Variants in TSHZ1 observed in about 807,000 individuals in gnomAD.
TSHZ1 encodes teashirt zinc finger homeobox 1, also known as teashirt homolog 1.
TSHZ1 carries 12 observed loss-of-function variants against 67.1 expected under a neutral mutation model. The ratio of observed to expected loss-of-function variants is 0.18; its 90% CI spans 0.11 to 0.29. TSHZ1 has a LOEUF of 0.29. Ranked by LOEUF, TSHZ1 falls within the 10% of genes least tolerant of loss-of-function variation. TSHZ1 has a pLI of 1.00. For missense variants in TSHZ1, 1,305 were observed against 1,413.9 expected, an observed-to-expected ratio of 0.92 and a Z score of 1.23; for synonymous variants, 632 against 622.4, an observed-to-expected ratio of 1.02 and a Z score of -0.23.
intron 1 of TSHZ1, among the ~76,000 whole-genome samples, chr18:75,213,913 C>T (rs1015478292): frequency 6.6e-6 from 1 of 152,086 alleles, no homozygotes; most frequent in African/African-American, 2.4e-5. Flanking sequence ...ATCTGCTGTA[C>T]AGGAACTTGA....
intron 1 of TSHZ1, among the ~76,000 whole-genome samples, chr18:75,268,875 A>T (rs991503017): frequency 6.6e-6 from 1 of 152,202 alleles, no homozygotes; most frequent in African/African-American, 2.4e-5. Context: ...CTGAGACAGG[A>T]TTTCAGAGTG....
chr18:75,288,474 C>G lies in TSHZ1; in HGVS notation c.3067C>G (p.Leu1023Val). 6.2e-7 allele frequency: 1 copy of G among 1,614,160 alleles called. No individual in the cohort carries two copies. Among genetic ancestry groups the G allele is most frequent in the Non-Finnish European group, 8.5e-7 (1 of 1,180,026 alleles). The change falls in exon 2 of 2, where the codon CTG becomes GTG. Residue 1023 changes from leucine to valine, a missense_variant. By Grantham distance (32) the Leu-to-Val change is conservative. Transcript: ENST00000580243. This position sits in a 1 kb window ranked among gnomAD's most constrained non-coding sequence, Gnocchi z 4.9. ...TTCGAAAGTCCTCACCAACAAAACT[C>G]TGGGCCCACTGGGGGCCACCGAGGA... ...NVSKVLTNKT[L>V]GPLGATEEDL...
chr18:75,274,620 G>A (rs1008421848), intron 1 of TSHZ1, among the ~76,000 whole-genome samples: 1 of 152,092 alleles, frequency 6.6e-6, no homozygotes, highest in African/African-American at 2.4e-5. Flanking sequence ...AAAGATTTTT[G>A]GAAAATTGTA....
At chr18:75,249,492 G>A (rs2023267473) in intron 1 of TSHZ1, among the ~76,000 whole-genome samples, 1 of 151,548 alleles carries the variant, frequency 6.6e-6, no homozygotes, top group African/African-American at 2.4e-5. Context: ...AGGGGGGAAG[G>A]GTAGGTAACT....
rs951214210 is a variant in TSHZ1 at position 75,281,842 on chromosome 18, C to G, written c.41-3606C>G. The stretch of plus-strand genomic sequence containing the variant: ...ATGCTAGGTGCGGGCAGGGAGAGCC[C>G]GAACCTGTGGGGGCCCAGCCTTCAC... On this transcript the variant is annotated intron_variant, in intron 1 of 1. Transcript: ENST00000580243. The surrounding 1 kb of genome is among the most constrained non-coding windows in gnomAD (Gnocchi z 5.3). 6.6e-6 allele frequency among the ~76,000 whole-genome samples: 1 copy of G among 152,060 alleles called. No homozygotes were observed. Among genetic ancestry groups the G allele is most frequent in the Non-Finnish European group, 1.5e-5 (1 of 67,972 alleles).
chr18:75,255,646 G>C (rs934128939), intron 1 of TSHZ1, among the ~76,000 whole-genome samples: 5 of 152,130 alleles, frequency 3.3e-5, no homozygotes, highest in Non-Finnish European at 1.5e-5. Context: ...TATGTAGATT[G>C]AACATAAATG....
intron 1 of TSHZ1, among the ~76,000 whole-genome samples, chr18:75,233,128 A>G (rs971400762): frequency 1.3e-5 from 2 of 152,196 alleles, no homozygotes; most frequent in African/African-American, 4.8e-5. Context: ...CTGCTGTCAT[A>G]GTTTTCTGTG....
rs1439305530 is a variant in TSHZ1, at chr18:75,286,744, C to A, written c.1337C>A (p.Thr446Asn). 6.2e-7 allele frequency: 1 copy of A among 1,613,646 alleles called. No homozygotes were observed. The highest frequency in any genetic ancestry group is 8.5e-7 in the Non-Finnish European group (1 of 1,180,044). The stretch of plus-strand genomic sequence containing the variant: ...ACCGGGCACTTCCTGAAAGTGACCA[C>A]CTCGGCTTCTAAGAAGGGCAAGCAG... ...MVTGHFLKVT[T>N]SASKKGKQLV... Residue 446 changes from threonine (T) to asparagine (N), a missense_variant, in exon 2 of 2, where the codon ACC (threonine) becomes AAC (asparagine). Coordinates refer to ENST00000580243, the MANE Select transcript of TSHZ1 (RefSeq NM_001308210.2). The surrounding 1 kb of genome is among the most constrained non-coding windows in gnomAD (Gnocchi z 5.1).
intron 1 of TSHZ1, among the ~76,000 whole-genome samples, chr18:75,263,968 A>G (rs1386575689): frequency 3.9e-5 from 6 of 152,228 alleles, no homozygotes; most frequent in Non-Finnish European, 8.8e-5. Context: ...TAGTTATACT[A>G]CATTCTATTC....
chr18:75,231,185 G>A (rs2022994239), intron 1 of TSHZ1, among the ~76,000 whole-genome samples: 1 of 152,226 alleles, frequency 6.6e-6, no homozygotes, highest in Non-Finnish European at 1.5e-5. Context: ...CCCAAGCCTG[G>A]CACAGAGTGG....
chr18:75,287,970 T>TCCTCCACGC lies in TSHZ1; in HGVS notation c.2571_2579dup (p.Pro858_Thr860dup), dbSNP rs1200628276. ...CCTCACAGGCCGCCTGACGCCCAAG[T>TCCTCCACGC]CCTCCACGCCCTCCACAGTTTCAGA... is the stretch of plus-strand genomic sequence containing the variant. On this transcript the variant is annotated inframe_insertion, in exon 2 of 2. Coordinates refer to ENST00000580243, the MANE Select transcript of TSHZ1 (RefSeq NM_001308210.2). This position sits in a 1 kb window ranked among gnomAD's most constrained non-coding sequence, Gnocchi z 5.0. The TCCTCCACGC allele has an allele frequency of 1.2e-6, 2 of 1,614,074 alleles. No individual in the cohort carries two copies. The highest frequency in any genetic ancestry group is 1.1e-5 in the South Asian group (1 of 91,080).
chr18:75,235,980 C>T (rs1267607825), intron 1 of TSHZ1, among the ~76,000 whole-genome samples: 2 of 152,220 alleles, frequency 1.3e-5, no homozygotes, highest in African/African-American at 4.8e-5. Context: ...CAGACCTTGC[C>T]TCCACACCCA....
At chr18:75,218,918 A>G (rs918576741) in intron 1 of TSHZ1, among the ~76,000 whole-genome samples, 4 of 143,162 alleles carry the variant, frequency 2.8e-5, no homozygotes, top group African/African-American at 5.1e-5. Context: ...AATGGTGAAC[A>G]TGTATATTTT....
chr18:75,236,892 T>C (rs912586041), intron 1 of TSHZ1, among the ~76,000 whole-genome samples: 6 of 152,188 alleles, frequency 3.9e-5, no homozygotes, highest in African/African-American at 1.4e-4. Flanking sequence ...GATAGGGTCA[T>C]GTAAGTTAAG....
At chr18:75,237,320 G>A (rs773004035) in intron 1 of TSHZ1, among the ~76,000 whole-genome samples, 1 of 152,066 alleles carries the variant, frequency 6.6e-6, no homozygotes, top group Non-Finnish European at 1.5e-5. Flanking sequence ...TCAGGAGTTC[G>A]CAACCAGCCT....
rs372537969 is a variant in TSHZ1 at position 75,241,468 on chromosome 18, C to T, written c.40+29552C>T. 8.5e-5 allele frequency among the ~76,000 whole-genome samples: 13 copies of T among 152,154 alleles called. No homozygotes were observed. The East Asian group carries it at 1.9e-3, about 23-fold the overall frequency. On this transcript the variant is annotated intron_variant, in intron 1 of 1. Coordinates refer to ENST00000580243, the MANE Select transcript of TSHZ1 (RefSeq NM_001308210.2). Reference sequence around the variant, plus strand: ...GTCTCCCCCTCCGCATAAGGAGTCACGGGCCGGGGGTTGGCGGGATGTGCG... The same window carrying T: ...GTCTCCCCCTCCGCATAAGGAGTCATGGGCCGGGGGTTGGCGGGATGTGCG...
chr18:75,249,517 C>T (rs1416955337), intron 1 of TSHZ1, among the ~76,000 whole-genome samples: 1 of 151,848 alleles, frequency 6.6e-6, no homozygotes, highest in Non-Finnish European at 1.5e-5. Context: ...TCTCATCTCA[C>T]CCCTGAAGTA....
intron 1 of TSHZ1, among the ~76,000 whole-genome samples, chr18:75,236,479 C>T (rs769798944): frequency 3.3e-5 from 5 of 152,266 alleles, no homozygotes; most frequent in South Asian, 2.1e-4. Context: ...TAAGGGATGG[C>T]GTTCATTATT....
chr18:75,247,433 C>T (rs1210749341), intron 1 of TSHZ1, among the ~76,000 whole-genome samples: 1 of 152,204 alleles, frequency 6.6e-6, no homozygotes, highest in Non-Finnish European at 1.5e-5. Flanking sequence ...CAGCAAATTG[C>T]ACAACCCACA....
Sources: allele counts gnomAD v4.1 joint callset (sites outside exome capture counted in the v4.1 genomes callset), GRCh38; gene constraint gnomAD v4.1.1; non-coding constraint Gnocchi (gnomAD v3.1); transcripts MANE v1.5; gene names NCBI Gene and HGNC (gene_info 2026-07-23, HGNC 2026-07-21).